Variants in HMCN2 observed in about 807,000 individuals in gnomAD.
HMCN2 encodes hemicentin-2.
A neutral mutation model predicts 377.5 loss-of-function variants in HMCN2; 325 were observed. The ratio of observed to expected loss-of-function variants is 0.86; its 90% CI spans 0.79 to 0.94. The LOEUF (loss-of-function observed/expected upper bound fraction) is 0.94, where lower values mean the gene tolerates loss of function less well. Among genes scored for constraint, HMCN2 ranks in the 40% least tolerant of loss-of-function variants. The probability of loss-of-function intolerance (pLI) is 0.00; values close to 1 mark genes in which losing one functional copy is unlikely to be tolerated. For synonymous variants in HMCN2, 2,007 were observed against 2,046.8 expected, an observed-to-expected ratio of 0.98 and a Z score of 0.53; for missense variants, 4,543 against 4,725.3, an observed-to-expected ratio of 0.96 and a Z score of 1.13.
In HMCN2 at chr9:130,400,661, C is replaced by T. The variant is rs979318088; in HGVS notation, c.11606-122C>T. Reference sequence around the variant, plus strand: ...CAAATGTGACTTCTCCCTCTGTTGCCACCTCCCTCCTTGGCCCTTTGTCAC... The same window carrying T: ...CAAATGTGACTTCTCCCTCTGTTGCTACCTCCCTCCTTGGCCCTTTGTCAC... On this transcript the variant is annotated intron_variant, in intron 76 of 97. Transcript: ENST00000683500. 5.3e-6 allele frequency: 3 copies of T among 565,530 alleles called. No individual in the cohort carries two copies. The East Asian group carries it at 3.6e-4, about 68-fold the overall frequency. The allele number at this position is 565,530 out of a possible 1,614,324, so 35.0% of individuals were successfully genotyped here.
chr9:130,376,597 C>A lies in HMCN2; in HGVS notation c.8000C>A (p.Thr2667Asn). The A allele has an allele frequency of 2.0e-6, 2 of 985,850 alleles. No homozygotes were observed. Among genetic ancestry groups the A allele is most frequent in the Non-Finnish European group, 2.4e-6 (2 of 829,948 alleles). The allele number at this position is 985,850 out of a possible 1,614,324, so 61.1% of individuals were successfully genotyped here. Residue 2667 changes from threonine (T) to asparagine (N), a missense_variant, in exon 52 of 98, where the codon ACC becomes AAC. Physicochemically the swap from Thr to Asn is moderately conservative, Grantham distance 65. Coordinates refer to ENST00000683500, the MANE Select transcript of HMCN2 (RefSeq NM_001291815.2). ...AAGACCAAGGTCAACAGCACCTTGA[C>A]CTTGGAGTGTGAGAGCTGGGCTGTG... ...EVKTKVNSTL[T>N]LECESWAVPP...
intron 1 of HMCN2, among the ~76,000 whole-genome samples, chr9:130,276,547 G>A (rs563276840): frequency 9.2e-5 from 14 of 152,324 alleles, no homozygotes; most frequent in African/African-American, 3.4e-4. Flanking sequence ...CTCCATCACT[G>A]GGTGTTCAGG....
At chr9:130,355,906 C>T in intron 33 of HMCN2, 52 bp downstream of exon 33, 1 of 1,137,790 alleles carries the variant, frequency 8.8e-7, no homozygotes, top group Non-Finnish European at 1.2e-6. Flanking sequence ...AGAGCGTGTG[C>T]TTTGCGGATT....
intron 45 of HMCN2, 97 bp from the exon 46 acceptor site, chr9:130,370,867 T>A: frequency 1.4e-6 from 1 of 724,414 alleles, no homozygotes; most frequent in Non-Finnish European, 1.7e-6. Context: ...CTCTCCCAAT[T>A]GGGTGGAGTT....
chr9:130,330,846 T>C (rs1838386687), intron 22 of HMCN2, among the ~76,000 whole-genome samples: 2 of 152,020 alleles, frequency 1.3e-5, no homozygotes, highest in South Asian at 2.1e-4. Context: ...AAGGGCAAAA[T>C]AGACCGGTCA....
intron 4 of HMCN2, among the ~76,000 whole-genome samples, chr9:130,290,415 A>G (rs1554929622): frequency 6.6e-6 from 1 of 152,148 alleles, no homozygotes; most frequent in African/African-American, 2.4e-5. Context: ...ATCCTAGAAC[A>G]AGCTTGTAAC....
chr9:130,339,195 A>G (rs1054232121), intron 23 of HMCN2, among the ~76,000 whole-genome samples: 28 of 152,164 alleles, frequency 1.8e-4, no homozygotes, highest in African/African-American at 6.8e-4. Flanking sequence ...CTCAAACAAA[A>G]CAAAACAAAA....
Position 130,398,667 on chromosome 9 carries a change from G to C in HMCN2, c.11443G>C (p.Gly3815Arg). 1 of 1,289,636 alleles carries C rather than the reference G, an allele frequency of 7.8e-7. No individual in the cohort carries two copies. The highest frequency in any genetic ancestry group is 1.0e-6 in the Non-Finnish European group (1 of 988,722). 79.9% of individuals were successfully genotyped at this position (1,289,636 alleles called of 1,614,324 possible). ...PKPLVVWWKD[G>R]QKLDFRLQQG... ...GCCCCTGGTGGTCTGGTGGAAGGACGGACAGAAGCTGGACTTCCGCCTGCA... is the reference window on the plus strand; with the variant it reads ...GCCCCTGGTGGTCTGGTGGAAGGACCGACAGAAGCTGGACTTCCGCCTGCA... Residue 3815 changes from glycine (G) to arginine (R), a missense_variant, in exon 75 of 98, where the codon GGA becomes CGA. This residue lies in a region of HMCN2 where 1,073 missense variants were observed against 1,319.5 expected (regional missense o/e 0.81). Coordinates refer to ENST00000683500, the MANE Select transcript of HMCN2 (RefSeq NM_001291815.2).
chr9:130,429,644 C>T lies in HMCN2; in HGVS notation c.14285C>T (p.Pro4762Leu). Reference sequence around the variant, plus strand: ...CCAGGCGGTCACCGCTGCAGCTGCCCCAGGGGTTACCGGATGCAGGGCCCC... The same window carrying T: ...CCAGGCGGTCACCGCTGCAGCTGCCTCAGGGGTTACCGGATGCAGGGCCCC... ...NTPGGHRCSC[P>L]RGYRMQGPSL... Residue 4762 changes from proline to leucine, a missense_variant, in exon 94 of 98, where the codon CCC becomes CTC. Physicochemically the swap from Pro to Leu is moderately conservative, Grantham distance 98. Transcript: ENST00000683500. 6.5e-7 allele frequency: 1 copy of T among 1,547,312 alleles called. No individual in the cohort carries two copies. The highest frequency in any genetic ancestry group is 1.2e-5 in the South Asian group (1 of 83,680).
At chr9:130,278,880 C>G (rs1834951549) in intron 1 of HMCN2, among the ~76,000 whole-genome samples, 1 of 148,518 alleles carries the variant, frequency 6.7e-6, no homozygotes, top group South Asian at 2.1e-4. Context: ...CTCACCCAGC[C>G]TGAGACCCTA....
At position 130,351,541 on chromosome 9, in the gene HMCN2, G is replaced by A. The variant is rs1373417041; in HGVS notation, c.4549G>A (p.Gly1517Ser). 4 of 1,304,030 alleles carry A rather than the reference G, an allele frequency of 3.1e-6. No homozygotes were observed. Among genetic ancestry groups the A allele is most frequent in the Non-Finnish European group, 4.0e-6 (4 of 988,886 alleles). 80.8% of individuals were successfully genotyped at this position (1,304,030 alleles called of 1,614,324 possible). A position where few individuals can be genotyped will look rare whatever the true frequency, so the allele number is the denominator to read the frequency against. Residue 1517 changes from glycine (G) to serine (S), a missense_variant, in exon 30 of 98, where the codon GGT (glycine) becomes AGT (serine). Transcript: ENST00000683500. This position sits in a 1 kb window ranked among gnomAD's most constrained non-coding sequence, Gnocchi z 5.4. ...RYQCVAFSPA[G>S]QQARDFQLRV... Reference sequence around the variant, plus strand: ...CCAGTGCGTGGCCTTCAGCCCAGCTGGTCAGCAGGCCAGGGACTTCCAGCT... The same window carrying A: ...CCAGTGCGTGGCCTTCAGCCCAGCTAGTCAGCAGGCCAGGGACTTCCAGCT...
Position 130,433,771 on chromosome 9 carries a change from G to T in HMCN2, c.*78G>T. On this transcript the variant is annotated 3_prime_UTR_variant, in exon 98 of 98. Coordinates refer to ENST00000683500, the MANE Select transcript of HMCN2 (RefSeq NM_001291815.2). ...AGGAGAAGCTTGGTCCACGCCACCT[G>T]CTGTGGCAAGCGGAGCGTCATCGTC... 4.3e-6 allele frequency: 5 copies of T among 1,163,476 alleles called. No individual in the cohort carries two copies. The highest frequency in any genetic ancestry group is 5.8e-6 in the Non-Finnish European group (5 of 868,244). The allele number at this position is 1,163,476 out of a possible 1,614,324, so 72.1% of individuals were successfully genotyped here. A position where few individuals can be genotyped will look rare whatever the true frequency, so the allele number is the denominator to read the frequency against.
rs961670831 is a variant in HMCN2 at position 130,321,609 on chromosome 9, G to A, written c.2776-178G>A. Among the ~76,000 whole-genome samples the A allele has an allele frequency of 3.2e-4, 48 of 152,244 alleles. 1 individual carries two copies. The South Asian group carries it at 9.8e-3, about 31-fold the overall frequency. On this transcript the variant is annotated intron_variant, in intron 18 of 97. Transcript: ENST00000683500. ...CCCAGCCCTGCAGGGTCTCTGGAGGGCTTGACTGGGCACTCGGGAAGGACT... is the reference window on the plus strand; with the variant it reads ...CCCAGCCCTGCAGGGTCTCTGGAGGACTTGACTGGGCACTCGGGAAGGACT...
At chr9:130,405,842 G>A (rs1564863346) in intron 81 of HMCN2, 113 bp from the exon 82 acceptor site, 1 of 788,430 alleles carries the variant, frequency 1.3e-6, no homozygotes, top group East Asian at 6.5e-5. Context: ...CCTTGGGCAA[G>A]TCACTTCCCC....
At chr9:130,357,186 A>G (rs1446950702) in intron 34 of HMCN2, among the ~76,000 whole-genome samples, 1 of 113,960 alleles carries the variant, frequency 8.8e-6, no homozygotes, top group African/African-American at 3.8e-5. Flanking sequence ...AAATGGATGG[A>G]TGGGTGGATG....
In HMCN2 at chr9:130,393,665, G is replaced by A; in HGVS notation, c.10235-77G>A. The A allele has an allele frequency of 8.5e-7, 1 of 1,169,850 alleles. No individual in the cohort carries two copies. The highest frequency in any genetic ancestry group is 1.1e-6 in the Non-Finnish European group (1 of 928,886). The allele number at this position is 1,169,850 out of a possible 1,614,324, so 72.5% of individuals were successfully genotyped here. A position where few individuals can be genotyped will look rare whatever the true frequency, so the allele number is the denominator to read the frequency against. ...GGGACCAGGGCGGCTTCCTGGAAGA[G>A]GTGATGTCTAAGCTGAGTACTGGAG... is the stretch of plus-strand genomic sequence containing the variant. On this transcript the variant is annotated intron_variant, in intron 67 of 97. Coordinates refer to ENST00000683500, the MANE Select transcript of HMCN2 (RefSeq NM_001291815.2). The surrounding 1 kb of genome is among the most constrained non-coding windows in gnomAD (Gnocchi z 5.2).
At position 130,307,576 on chromosome 9, in the gene HMCN2, T is replaced by G. The variant is rs1264256873; in HGVS notation, c.2200+10T>G. The G allele has an allele frequency of 6.4e-6, 3 of 470,856 alleles. No homozygotes were observed. Among genetic ancestry groups the G allele is most frequent in the Admixed American group, 4.7e-5 (2 of 42,532 alleles). 29.2% of individuals were successfully genotyped at this position (470,856 alleles called of 1,614,324 possible). ...GTCATCTGGTATCGAGGTGTGTTGG[T>G]GGGGAGGGGCCCTGAAGGAACAGCT... is the stretch of plus-strand genomic sequence containing the variant. On this transcript the variant is annotated intron_variant, in intron 14 of 97. Transcript: ENST00000683500.
In HMCN2 at chr9:130,384,748, C is replaced by G. The variant is rs1841924784; in HGVS notation, c.9056C>G (p.Ala3019Gly). The G allele has an allele frequency of 7.7e-7, 1 of 1,303,062 alleles. No individual in the cohort carries two copies. Among genetic ancestry groups the G allele is most frequent in the South Asian group, 1.2e-5 (1 of 81,034 alleles). The allele number at this position is 1,303,062 out of a possible 1,614,324, so 80.7% of individuals were successfully genotyped here. ...LSDSGMYTCE[A>G]LNAAGRDQKL... is the part of the protein sequence containing the mutation. ...GACTCCGGGATGTACACATGCGAAG[C>G]CCTCAATGCTGCCGGCCGAGACCAG... is the stretch of plus-strand genomic sequence containing the variant. Residue 3019 changes from alanine (A) to glycine (G), a missense_variant, in exon 59 of 98, where the codon GCC (alanine) becomes GGC (glycine). Coordinates refer to ENST00000683500, the MANE Select transcript of HMCN2 (RefSeq NM_001291815.2).
At chr9:130,354,688 G>A (rs1024218207) in intron 31 of HMCN2, 75 bp from the exon 32 acceptor site, 36 of 1,179,538 alleles carry the variant, frequency 3.1e-5, no homozygotes, top group East Asian at 2.3e-4. Context: ...GGGCTTCAGC[G>A]GGCCTGTTGG....
Sources: allele counts gnomAD v4.1 joint callset (sites outside exome capture counted in the v4.1 genomes callset), GRCh38; gene constraint gnomAD v4.1.1; regional missense constraint gnomAD v4.1.1; non-coding constraint Gnocchi (gnomAD v3.1); transcripts MANE v1.5; gene names NCBI Gene and HGNC (gene_info 2026-07-23, HGNC 2026-07-21).